The following ST3GAL2 variants were observed in gnomAD, a reference collection of about 807,000 sequenced individuals.
The protein encoded by ST3GAL2 is ST3 beta-galactoside alpha-2,3-sialyltransferase 2, also known as CMP-N-acetylneuraminate-beta-galactosamide-alpha-2,3-sialyltransferase 2.
ST3GAL2 carries 16 observed loss-of-function variants against 37.5 expected under a neutral mutation model. That is an observed-to-expected ratio of 0.43 (90% CI 0.29 to 0.65). ST3GAL2 has a LOEUF of 0.65. Among genes scored for constraint, ST3GAL2 ranks in the 30% least tolerant of loss-of-function variants. ST3GAL2 has a pLI of 0.17. For synonymous variants in ST3GAL2, 238 were observed against 202.9 expected (o/e 1.17, Z -1.47); for missense variants, 383 against 487.8 (o/e 0.79, Z 2.02).
At position 70,390,932 on chromosome 16, in the gene ST3GAL2, ACT is replaced by A. The variant is rs2047478229; in HGVS notation, c.534-2388_534-2387del. Among the ~76,000 whole-genome samples, 5 of 152,268 alleles carry A rather than the reference ACT, an allele frequency of 3.3e-5. No homozygotes were observed. The South Asian group carries it at 1.0e-3, about 32-fold the overall frequency. ...GTGGACCACACCTTGTGGAATCATG[ACT>A]ACCAAAGCAGGGTGACCGTAACCTG... On this transcript the variant is annotated intron_variant, in intron 3 of 6. Coordinates refer to ENST00000342907, the MANE Select transcript of ST3GAL2 (RefSeq NM_006927.4).
intron 1 of ST3GAL2, among the ~76,000 whole-genome samples, chr16:70,423,397 C>G (rs576283976): frequency 6.6e-6 from 1 of 152,258 alleles, no homozygotes; most frequent in East Asian, 1.9e-4. Flanking sequence ...GTCATCCCTG[C>G]TACTGGGGAG....
intron 4 of ST3GAL2, among the ~76,000 whole-genome samples, chr16:70,384,297 G>A: frequency 6.6e-6 from 1 of 152,140 alleles, no homozygotes; most frequent in East Asian, 1.9e-4. Flanking sequence ...AAAAAACACA[G>A]GAAATTCTGA....
chr16:70,409,468 T>C (rs1397262804), intron 1 of ST3GAL2, among the ~76,000 whole-genome samples: 2 of 152,076 alleles, frequency 1.3e-5, no homozygotes, highest in Non-Finnish European at 2.9e-5. Flanking sequence ...CTCGGTCTCC[T>C]GAGTAGCTGG....
Position 70,387,972 on chromosome 16 carries a change from C to T in ST3GAL2, c.713+395G>A, listed in dbSNP as rs566134899. ...CTACTAAAATACAAAATTAGCCGGG[C>T]GTGGTGGTGCATCCCTATAATCCCA... On this transcript the variant is annotated intron_variant, in intron 4 of 6. Coordinates refer to ENST00000342907, the MANE Select transcript of ST3GAL2 (RefSeq NM_006927.4). Among the ~76,000 whole-genome samples, 342 of 152,020 alleles carry T rather than the reference C, an allele frequency of 2.2e-3. 3 individuals are homozygous for T. The highest frequency in any genetic ancestry group is 3.4e-3 in the Middle Eastern group (1 of 294).
chr16:70,422,606 G>C (rs1026618187), intron 1 of ST3GAL2, among the ~76,000 whole-genome samples: 1 of 152,110 alleles, frequency 6.6e-6, no homozygotes, highest in Non-Finnish European at 1.5e-5. Flanking sequence ...GAGAACTCAG[G>C]AGCTGGTGAG....
At chr16:70,397,754 T>C (rs1192815886) in intron 2 of ST3GAL2, among the ~76,000 whole-genome samples, 1 of 152,132 alleles carries the variant, frequency 6.6e-6, no homozygotes, top group Non-Finnish European at 1.5e-5. Context: ...TAAAAAACAA[T>C]TATTTTGAGC....
chr16:70,414,269 C>A (rs1234586477), intron 1 of ST3GAL2, among the ~76,000 whole-genome samples: 2 of 152,194 alleles, frequency 1.3e-5, no homozygotes, highest in East Asian at 1.9e-4. Flanking sequence ...GACTGAGATA[C>A]CCTGGGGTCA....
At position 70,399,284 on chromosome 16, in the gene ST3GAL2, A is replaced by C. The variant is rs1439112025; in HGVS notation, c.-754T>G. ...GTTGCGTAGGGGTCGCAAAGCTCCTACTGTGGCTGTGGGGTCCTCTGGCGC... is the reference window on the plus strand; with the variant it reads ...GTTGCGTAGGGGTCGCAAAGCTCCTCCTGTGGCTGTGGGGTCCTCTGGCGC... On this transcript the variant is annotated 5_prime_UTR_variant, in exon 2 of 7. Transcript: ENST00000342907. 5.0e-6 allele frequency: 2 copies of C among 398,688 alleles called. No individual in the cohort carries two copies. Among genetic ancestry groups the C allele is most frequent in the Middle Eastern group, 6.2e-4 (1 of 1,612 alleles). 24.7% of individuals were successfully genotyped at this position (398,688 alleles called of 1,614,324 possible).
At chr16:70,400,274 G>C (rs2047546591) in intron 1 of ST3GAL2, 1 of 152,354 alleles carries the variant, frequency 6.6e-6, no homozygotes, top group East Asian at 1.9e-4. Context: ...TAGGCAGTTT[G>C]GGTCTCAGCC....
At chr16:70,436,502 C>G (rs2047826597) in intron 1 of ST3GAL2, among the ~76,000 whole-genome samples, 1 of 150,858 alleles carries the variant, frequency 6.6e-6, no homozygotes, top group Non-Finnish European at 1.5e-5. Flanking sequence ...GGATTAATCT[C>G]TCAAGAAATT....
At chr16:70,420,807 G>A (rs1365672707) in intron 1 of ST3GAL2, among the ~76,000 whole-genome samples, 1 of 152,210 alleles carries the variant, frequency 6.6e-6, no homozygotes, top group East Asian at 1.9e-4. Flanking sequence ...TTGCATCCAT[G>A]CTTCTACCAG....
intron 1 of ST3GAL2, among the ~76,000 whole-genome samples, chr16:70,407,943 C>T (rs1332720956): frequency 1.3e-5 from 2 of 152,062 alleles, no homozygotes; most frequent in Admixed American, 6.6e-5. Context: ...GGCACGGAGC[C>T]TGGGGGGATG....
In ST3GAL2 at chr16:70,388,501, G is replaced by A; in HGVS notation, c.579C>T (p.Ser193=). 6.2e-7 allele frequency: 1 copy of A among 1,612,614 alleles called. No homozygotes were observed. The part of the protein sequence containing the change: ...PTVGFEQDVG[S]RTTHHFMYPE... ...GGTACATGAAATGGTGGGTGGTTCGGCTGCCAACATCCTGCTCAAAGCCCA... is the reference window on the plus strand; with the variant it reads ...GGTACATGAAATGGTGGGTGGTTCGACTGCCAACATCCTGCTCAAAGCCCA... The change falls in exon 4 of 7, where the codon AGC becomes AGT. Residue 193 remains serine (S), a synonymous_variant. Transcript: ENST00000342907.
At chr16:70,396,584 C>G (rs1393114719) in intron 2 of ST3GAL2, among the ~76,000 whole-genome samples, 1 of 152,134 alleles carries the variant, frequency 6.6e-6, no homozygotes, top group Non-Finnish European at 1.5e-5. Flanking sequence ...CAGTGAGAAC[C>G]TGTATCAAAA....
chr16:70,384,453 T>A (rs1441872217), intron 4 of ST3GAL2, among the ~76,000 whole-genome samples: 1 of 152,164 alleles, frequency 6.6e-6, no homozygotes, highest in African/African-American at 2.4e-5. Context: ...ACGCCTGTAA[T>A]CCCAGCACTT....
chr16:70,410,351 T>C (rs1162598903), intron 1 of ST3GAL2, among the ~76,000 whole-genome samples: 1 of 146,130 alleles, frequency 6.8e-6, no homozygotes, highest in East Asian at 2.1e-4. Context: ...CCCAGGTTTA[T>C]GCCATTCTCC....
At chr16:70,425,945 C>A (rs2047746751) in intron 1 of ST3GAL2, among the ~76,000 whole-genome samples, 1 of 152,160 alleles carries the variant, frequency 6.6e-6, no homozygotes. Context: ...GTGAGGGAGG[C>A]CCTGACTGCA....
chr16:70,380,418 C>T lies in ST3GAL2; in HGVS notation c.*1271G>A, dbSNP rs1176880925. The T allele has an allele frequency of 6.6e-6, 1 of 152,290 alleles. No individual in the cohort carries two copies. Among genetic ancestry groups the T allele is most frequent in the Non-Finnish European group, 1.5e-5 (1 of 68,104 alleles). 9.4% of individuals were successfully genotyped at this position (152,290 alleles called of 1,614,324 possible). A position where few individuals can be genotyped will look rare whatever the true frequency, so the allele number is the denominator to read the frequency against. Reference sequence around the variant, plus strand: ...TAGTGGTTTGAGAGCTTCACAGAAGCCTTCCCCCTCCTAAACCTCCCCAGC... The same window carrying T: ...TAGTGGTTTGAGAGCTTCACAGAAGTCTTCCCCCTCCTAAACCTCCCCAGC... On this transcript the variant is annotated 3_prime_UTR_variant, in exon 7 of 7. Transcript: ENST00000342907.
At chr16:70,435,441 C>CA (rs981378142) in intron 1 of ST3GAL2, among the ~76,000 whole-genome samples, 2 of 151,688 alleles carry the variant, frequency 1.3e-5, no homozygotes, top group African/African-American at 2.4e-5. Flanking sequence ...ACTAAAAATA[C>CA]AAAAAAATTA....
Sources: allele counts gnomAD v4.1 joint callset (sites outside exome capture counted in the v4.1 genomes callset), GRCh38; gene constraint gnomAD v4.1.1; transcripts MANE v1.5; gene names NCBI Gene and HGNC (gene_info 2026-07-23, HGNC 2026-07-21).